ASPM: variants seen among roughly 807,000 people sequenced by gnomAD.
The protein encoded by ASPM is assembly factor for spindle microtubules.
A neutral mutation model predicts 366.4 loss-of-function variants in ASPM; 256 were observed. The observed-to-expected ratio is 0.70, with a 90% CI of 0.63 to 0.77. ASPM has a LOEUF of 0.77. Ranked by LOEUF, ASPM falls within the 30% of genes least tolerant of loss-of-function variation. The pLI is 0.00. For synonymous variants in ASPM, 1,414 were observed against 1,342.9 expected, an observed-to-expected ratio of 1.05 and a Z score of -1.16; for missense variants, 4,146 against 4,090.4, an observed-to-expected ratio of 1.01 and a Z score of -0.37.
rs1344166456 is a variant in ASPM at position 197,143,566 on chromosome 1, T to C, written c.686A>G (p.Asn229Ser). 5 of 1,613,682 alleles carry C rather than the reference T, an allele frequency of 3.1e-6. No homozygotes were observed. Among genetic ancestry groups the C allele is most frequent in the East Asian group, 2.2e-5 (1 of 44,876 alleles). Residue 229 changes from asparagine (N) to serine (S), a missense_variant, in exon 3 of 28, where the codon AAT (asparagine) becomes AGT (serine). By Grantham distance (46) the Asn-to-Ser change is conservative (BLOSUM62 1). Around this residue, in one of 3 missense-constraint regions of ASPM, gnomAD observed 512 missense variants for 471.7 expected, o/e 1.09. Coordinates refer to ENST00000367409, the MANE Select transcript of ASPM (RefSeq NM_018136.5). ...CAAGCAAGTTGCACCATGGCATTCATTGAAAGCAGGGCTAATAGGTGATAT... is the reference window on the plus strand; with the variant it reads ...CAAGCAAGTTGCACCATGGCATTCACTGAAAGCAGGGCTAATAGGTGATAT... ...IPISPISPAF[N>S]ECHGATCLPL... is the part of the protein sequence containing the mutation.
rs10754215 is a variant in ASPM at position 197,117,539 on chromosome 1, C to T, written c.4065+250G>A. The stretch of plus-strand genomic sequence containing the variant: ...CCAGCATGTCCCACAGCGTAGAAGA[C>T]GCAACAAAGAAGAGAGCAACAGGTA... On this transcript the variant is annotated intron_variant, in intron 17 of 27. Coordinates refer to ENST00000367409, the MANE Select transcript of ASPM (RefSeq NM_018136.5). Among the ~76,000 whole-genome samples, 117,024 of 152,020 alleles carry T rather than the reference C, an allele frequency of 0.77. 48,956 individuals are homozygous for T. Among genetic ancestry groups the T allele is most frequent in the East Asian group, 0.98 (5,065 of 5,174 alleles).
chr1:197,106,219 T>TCTA (rs1657405179), intron 17 of ASPM, among the ~76,000 whole-genome samples: 1 of 152,018 alleles, frequency 6.6e-6, no homozygotes, highest in Admixed American at 6.6e-5. Flanking sequence ...GTCTTCTTCC[T>TCTA]CTACTAAATG....
intron 27 of ASPM, among the ~76,000 whole-genome samples, chr1:197,085,542 CCA>C: frequency 6.6e-6 from 1 of 152,014 alleles, no homozygotes; most frequent in Non-Finnish European, 1.5e-5. Flanking sequence ...TGTGGTACGA[CCA>C]TACAATGGAA....
chr1:197,112,305 T>C (rs1370491735), intron 17 of ASPM, among the ~76,000 whole-genome samples: 1 of 151,830 alleles, frequency 6.6e-6, no homozygotes, highest in African/African-American at 2.4e-5. Context: ...GGGAGCTAAA[T>C]GATGAGAAAA....
rs555898285 is a variant in ASPM, at chr1:197,085,458, AC to A, written c.10332-1033del. ...CATGCATCTTCTCACATAATTCCCT[AC>A]TATATGCATTTCCATCATCTTATTT... On this transcript the variant is annotated intron_variant, in intron 27 of 27. Transcript: ENST00000367409. Among the ~76,000 whole-genome samples the A allele has an allele frequency of 3.6e-3, 550 of 152,296 alleles. 2 individuals are homozygous for A. Among genetic ancestry groups the A allele is most frequent in the African/African-American group, 0.013 (535 of 41,566 alleles).
chr1:197,104,439 C>G lies in ASPM; in HGVS notation c.4812G>C (p.Lys1604Asn). 6.2e-7 allele frequency: 1 copy of G among 1,612,916 alleles called. No individual in the cohort carries two copies. Among genetic ancestry groups the G allele is most frequent in the Non-Finnish European group, 8.5e-7 (1 of 1,179,368 alleles). The change falls in exon 18 of 28, where the codon AAG becomes AAC. Residue 1604 changes from lysine to asparagine, a missense_variant. Transcript: ENST00000367409. ...RKHQQRQKYK[K>N]MKKAAVIIQT... The stretch of plus-strand genomic sequence containing the variant: ...GAATTATAACAGCTGCTTTCTTCAT[C>G]TTCTTATATTTCTGTCGTTGTTGAT...
rs1029597546 is a variant in ASPM at position 197,103,797 on chromosome 1, G to T, written c.5454C>A (p.Arg1818=). Residue 1818 remains arginine, a synonymous_variant, in exon 18 of 28, where the codon CGC becomes CGA. Transcript: ENST00000367409. ...CTATAGATTGTTGTTTGATTAGCTG[G>T]CGTACTTTATAACCTCTGTAAGCTG... ...LQAAYRGYKV[R]QLIKQQSIAA... 5 of 1,612,780 alleles carry T rather than the reference G, an allele frequency of 3.1e-6. No homozygotes were observed. The highest frequency in any genetic ancestry group is 3.4e-6 in the Non-Finnish European group (4 of 1,179,382).
At position 197,104,038 on chromosome 1, in the gene ASPM, A is replaced by G. The variant is rs1242942343; in HGVS notation, c.5213T>C (p.Phe1738Ser). The change falls in exon 18 of 28, where the codon TTT becomes TCT. Residue 1738 changes from phenylalanine (F) to serine (S), a missense_variant. By Grantham distance (155) the Phe-to-Ser change is radical. Transcript: ENST00000367409. ...CTTTCGGACAAGGTATCCTCTAACA[A>G]ATGCTTGCAGTTTGATACAAGATTC... is the stretch of plus-strand genomic sequence containing the variant. ...MRESCIKLQA[F>S]VRGYLVRKQM... The G allele has an allele frequency of 6.2e-7, 1 of 1,612,822 alleles. No homozygotes were observed. The highest frequency in any genetic ancestry group is 1.1e-5 in the South Asian group (1 of 91,048).
chr1:197,100,565 AT>A lies in ASPM; in HGVS notation c.8685del (p.Leu2897CysfsTer41), dbSNP rs778114218. Reference sequence around the variant, plus strand: ...TGTCTTTGATGTTTTGCAGACAGAAATGCTCTGTAGTGATTTTGTAAAACCA... The same window carrying A: ...TGTCTTTGATGTTTTGCAGACAGAAAGCTCTGTAGTGATTTTGTAAAACCA... ...AAVVLQNHYRAFLSAKHQRQV... is the reference protein window; with the variant it reads ...AAVVLQNHYRXFLSAKHQRQV... On this transcript the variant is annotated frameshift_variant, in exon 18 of 28. Coordinates refer to ENST00000367409, the MANE Select transcript of ASPM (RefSeq NM_018136.5). LOFTEE classifies it high-confidence loss of function. The A allele has an allele frequency of 6.2e-7, 1 of 1,611,898 alleles. No individual in the cohort carries two copies. Among genetic ancestry groups the A allele is most frequent in the Non-Finnish European group, 8.5e-7 (1 of 1,178,764 alleles).
At chr1:197,088,122 C>A in intron 26 of ASPM, 134 bp downstream of exon 26, 2 of 843,154 alleles carry the variant, frequency 2.4e-6, no homozygotes, top group Non-Finnish European at 3.8e-6. Context: ...TTCATTTTAT[C>A]CGTGCAAAAA....
chr1:197,138,709 G>T, intron 4 of ASPM: 1 of 659,440 alleles, frequency 1.5e-6, no homozygotes, highest in South Asian at 1.6e-5. Flanking sequence ...GCTGGGATGT[G>T]AATGATAGGG....
intron 4 of ASPM, among the ~76,000 whole-genome samples, chr1:197,136,982 T>C (rs1658438444): frequency 6.6e-6 from 1 of 152,168 alleles, no homozygotes; most frequent in Non-Finnish European, 1.5e-5. Context: ...TGAATCCTTC[T>C]GTGCCCTAAA....
Position 197,102,681 on chromosome 1 carries a change from C to A in ASPM, c.6570G>T (p.Gln2190His). ...VRVRRTLRKM[Q>H]TAATLIQSNY... is the part of the protein sequence containing the mutation. ...TTGACTGAATGAGTGTTGCTGCAGT[C>A]TGCATCTTTCTAAGAGTCCGTCTAA... is the stretch of plus-strand genomic sequence containing the variant. The change falls in exon 18 of 28, where the codon CAG becomes CAT. Residue 2190 changes from glutamine to histidine, a missense_variant. By Grantham distance (24) the Gln-to-His change is conservative. Around this residue, in one of 3 missense-constraint regions of ASPM, gnomAD observed 3,624 missense variants for 3,591.7 expected, o/e 1.01. Coordinates refer to ENST00000367409, the MANE Select transcript of ASPM (RefSeq NM_018136.5). 4.3e-6 allele frequency: 7 copies of A among 1,612,712 alleles called. No homozygotes were observed. Among genetic ancestry groups the A allele is most frequent in the Non-Finnish European group, 5.9e-6 (7 of 1,179,268 alleles).
At chr1:197,099,854 A>G (rs535571375) in intron 18 of ASPM, among the ~76,000 whole-genome samples, 2 of 151,876 alleles carry the variant, frequency 1.3e-5, no homozygotes, top group East Asian at 3.9e-4. Context: ...TCTCTATGCA[A>G]CATTGGCCAA....
rs1284196132 is a variant in ASPM at position 197,142,875 on chromosome 1, TG to T, written c.1376del (p.Ser459Ter). On this transcript the variant is annotated frameshift_variant, in exon 3 of 28. Transcript: ENST00000367409. LOFTEE classifies it high-confidence loss of function. ...TTTGTTTTATAAAACTGTAGTAATTTGACTTCATTTCTACTAGTTCTTCAAA... is the reference window on the plus strand; with the variant it reads ...TTTGTTTTATAAAACTGTAGTAATTTACTTCATTTCTACTAGTTCTTCAAA... ...AIFEELVEMK[S>X]NYYSFIKQNN... 1 of 1,612,940 alleles carries T rather than the reference TG, an allele frequency of 6.2e-7. No homozygotes were observed. The highest frequency in any genetic ancestry group is 2.2e-5 in the East Asian group (1 of 44,854).
At position 197,142,732 on chromosome 1, in the gene ASPM, T is replaced by C. The variant is rs1169301867; in HGVS notation, c.1520A>G (p.Glu507Gly). The stretch of plus-strand genomic sequence containing the variant: ...TGGTTTATTAATCTCAGTTTGGTTT[T>C]CTCTGGTACAGGTGGCCTTCCTTTT... The part of the protein sequence containing the change: ...VTKRKATCTR[E>G]NQTEINKPKA... Residue 507 changes from glutamate to glycine, a missense_variant, in exon 3 of 28, where the codon GAA becomes GGA. Transcript: ENST00000367409. 4 of 1,613,948 alleles carry C rather than the reference T, an allele frequency of 2.5e-6. No individual in the cohort carries two copies. The highest frequency in any genetic ancestry group is 3.4e-6 in the Non-Finnish European group (4 of 1,179,920).
chr1:197,139,003 T>TAG, intron 4 of ASPM: 1 of 724,042 alleles, frequency 1.4e-6, no homozygotes, highest in East Asian at 2.5e-5. Flanking sequence ...ACATTGATCA[T>TAG]AGCACTCTTG....
Position 197,101,649 on chromosome 1 carries a change from A to G in ASPM, c.7602T>C (p.Ala2534=). Residue 2534 remains alanine, a synonymous_variant, in exon 18 of 28, where the codon GCT becomes GCC. Transcript: ENST00000367409. ...RENYIRQWHS[A]VVIQAAYKGM... is the part of the protein sequence containing the mutation. Reference sequence around the variant, plus strand: ...CTTTATATGCAGCCTGAATAACCACAGCAGAATGCCATTGTCTGATATAAT... The same window carrying G: ...CTTTATATGCAGCCTGAATAACCACGGCAGAATGCCATTGTCTGATATAAT... The G allele has an allele frequency of 6.2e-7, 1 of 1,612,006 alleles. No individual in the cohort carries two copies. Among genetic ancestry groups the G allele is most frequent in the Non-Finnish European group, 8.5e-7 (1 of 1,179,086 alleles).
rs1253690320 is a variant in ASPM, at chr1:197,102,498, C to T, written c.6753G>A (p.Arg2251=). ...TTAAATGTCTTCTAGCTTTCTTTCCCCTAAAAATAGCCTGAATGTATATTA... is the reference window on the plus strand; with the variant it reads ...TTAAATGTCTTCTAGCTTTCTTTCCTCTAAAAATAGCCTGAATGTATATTA... The part of the protein sequence containing the change: ...HSVIYIQAIF[R]GKKARRHLKM... Residue 2251 remains arginine (R), a synonymous_variant, in exon 18 of 28, where the codon AGG becomes AGA. Transcript: ENST00000367409. 1.2e-6 allele frequency: 2 copies of T among 1,612,556 alleles called. No homozygotes were observed. The highest frequency in any genetic ancestry group is 2.2e-5 in the South Asian group (2 of 91,044).
Sources: allele counts gnomAD v4.1 joint callset (sites outside exome capture counted in the v4.1 genomes callset), GRCh38; gene constraint gnomAD v4.1.1; regional missense constraint gnomAD v4.1.1; transcripts MANE v1.5; gene names NCBI Gene and HGNC (gene_info 2026-07-23, HGNC 2026-07-21).